The following KIZ variants were observed in gnomAD, a reference collection of about 807,000 sequenced individuals.
KIZ encodes the protein centrosomal protein kizuna.
In KIZ, 68 loss-of-function variants were observed where a neutral mutation model predicts 79.6. The observed-to-expected ratio is 0.85, with a 90% CI of 0.70 to 1.05. The LOEUF is 1.05. Among genes scored for constraint, KIZ ranks in the 50% least tolerant of loss-of-function variants. KIZ has a pLI of 0.00. For missense variants in KIZ, 797 were observed against 800.4 expected (o/e 1.00, Z 0.05); for synonymous variants, 280 against 281.8 (o/e 0.99, Z 0.06).
intron 6 of KIZ, among the ~76,000 whole-genome samples, chr20:21,204,700 C>G (rs1355585347): frequency 6.6e-6 from 1 of 152,132 alleles, no homozygotes; most frequent in African/African-American, 2.4e-5. Context: ...TGCCCCAGAC[C>G]TGAATAGGGC....
chr20:21,202,010 C>T (rs555167224), intron 6 of KIZ, among the ~76,000 whole-genome samples: 9 of 152,282 alleles, frequency 5.9e-5, no homozygotes, highest in South Asian at 2.1e-4. Flanking sequence ...GCTCATTTTC[C>T]GTTTGACTTG....
In KIZ at chr20:21,223,958, G is replaced by A. The variant is rs550949751; in HGVS notation, c.1679-5053G>A. Among the ~76,000 whole-genome samples, 15 of 145,140 alleles carry A rather than the reference G, an allele frequency of 1.0e-4. No individual in the cohort carries two copies. In the South Asian group the frequency reaches 1.1e-3, roughly 11 times the overall value. Reference sequence around the variant, plus strand: ...CTCCCAGAGTGCTGGGATTACAGGCGTGAGCCACTGCACCCGGCCTTATTT... The same window carrying A: ...CTCCCAGAGTGCTGGGATTACAGGCATGAGCCACTGCACCCGGCCTTATTT... On this transcript the variant is annotated intron_variant, in intron 9 of 12. Transcript: ENST00000619189.
At chr20:21,171,170 C>A (rs909199900) in intron 6 of KIZ, among the ~76,000 whole-genome samples, 1 of 152,188 alleles carries the variant, frequency 6.6e-6, no homozygotes, top group African/African-American at 2.4e-5. Flanking sequence ...ATTTGCAGTT[C>A]TCTAATGACA....
chr20:21,184,325 A>G (rs1011934923), intron 6 of KIZ, among the ~76,000 whole-genome samples: 2 of 151,788 alleles, frequency 1.3e-5, no homozygotes, highest in African/African-American at 2.4e-5. Context: ...AATTTTTTGT[A>G]TTTTTAGTAG....
chr20:21,130,082 C>T (rs1268240937), intron 1 of KIZ, among the ~76,000 whole-genome samples: 1 of 152,208 alleles, frequency 6.6e-6, no homozygotes, highest in Non-Finnish European at 1.5e-5. Context: ...TCAGATTTCA[C>T]CAGCTATCTT....
intron 4 of KIZ, among the ~76,000 whole-genome samples, chr20:21,147,961 TTGTGTGTGTGTGTG>T (rs61333547): frequency 7.1e-6 from 1 of 141,036 alleles, no homozygotes; most frequent in Admixed American, 7.1e-5. Context: ...CTCCTGGAAT[TTGTGTGTGTGTGTG>T]TGTGTGTGTG....
At chr20:21,166,465 A>G in intron 6 of KIZ, 4 of 1,578,722 alleles carry the variant, frequency 2.5e-6, no homozygotes, top group Non-Finnish European at 3.5e-6. Context: ...CAGTGTAACC[A>G]TGCTTCATCA....
intron 10 of KIZ, 105 bp downstream of exon 10, chr20:21,229,220 T>TAA: frequency 1.5e-6 from 1 of 665,294 alleles, no homozygotes; most frequent in Non-Finnish European, 2.7e-6. Context: ...GTTTGCTCTG[T>TAA]AACGAGCTGT....
At chr20:21,175,647 A>G (rs569954147) in intron 6 of KIZ, among the ~76,000 whole-genome samples, 1 of 152,294 alleles carries the variant, frequency 6.6e-6, no homozygotes, top group African/African-American at 2.4e-5. Context: ...CACCACATCA[A>G]TAGGGATCCT....
intron 6 of KIZ, among the ~76,000 whole-genome samples, chr20:21,179,899 T>A (rs1031703924): frequency 2.0e-5 from 3 of 152,228 alleles, no homozygotes; most frequent in East Asian, 3.8e-4. Flanking sequence ...GATTTCTGAT[T>A]TCATTCCATT....
At chr20:21,148,406 T>C (rs763739786) in intron 4 of KIZ, among the ~76,000 whole-genome samples, 5 of 152,200 alleles carry the variant, frequency 3.3e-5, no homozygotes, top group Non-Finnish European at 5.9e-5. Flanking sequence ...AGTTGCTCTT[T>C]AGAATCATAC....
chr20:21,180,480 A>G (rs1213279943), intron 6 of KIZ, among the ~76,000 whole-genome samples: 2 of 152,152 alleles, frequency 1.3e-5, no homozygotes, highest in Non-Finnish European at 2.9e-5. Context: ...TACTGAGAGC[A>G]TAGAGCCGAC....
intron 9 of KIZ, among the ~76,000 whole-genome samples, chr20:21,228,729 G>A (rs2036734250): frequency 6.6e-6 from 1 of 152,146 alleles, no homozygotes; most frequent in Admixed American, 6.5e-5. Context: ...CGAGGGAAGT[G>A]AAACTGTTTT....
At chr20:21,164,219 A>G (rs1052019903) in intron 6 of KIZ, among the ~76,000 whole-genome samples, 19 of 152,196 alleles carry the variant, frequency 1.2e-4, no homozygotes, top group Non-Finnish European at 1.9e-4. Flanking sequence ...ACCTTTTAAT[A>G]TATTGCCTCT....
intron 6 of KIZ, among the ~76,000 whole-genome samples, chr20:21,176,946 T>G (rs2034462619): frequency 6.6e-6 from 1 of 152,238 alleles, no homozygotes; most frequent in African/African-American, 2.4e-5. Context: ...ATTTCCTTCC[T>G]TTTTAAGGCA....
chr20:21,188,272 AC>A (rs1306979173), intron 6 of KIZ, among the ~76,000 whole-genome samples: 1 of 152,206 alleles, frequency 6.6e-6, no homozygotes, highest in African/African-American at 2.4e-5. Flanking sequence ...GGAACACTGC[AC>A]AGAGACGCCA....
chr20:21,233,254 T>C (rs1460311089), intron 11 of KIZ, among the ~76,000 whole-genome samples: 2 of 152,236 alleles, frequency 1.3e-5, no homozygotes, highest in Non-Finnish European at 2.9e-5. Context: ...TTTATTTTCC[T>C]CTTTTTTTTT....
intron 3 of KIZ, among the ~76,000 whole-genome samples, chr20:21,141,269 TAAGG>T (rs972568915): frequency 6.6e-6 from 1 of 151,860 alleles, no homozygotes; most frequent in African/African-American, 2.4e-5. Flanking sequence ...ATTTGGGAAA[TAAGG>T]AATATCAGTA....
chr20:21,174,464 T>A (rs190030729), intron 6 of KIZ, among the ~76,000 whole-genome samples: 2 of 152,254 alleles, frequency 1.3e-5, no homozygotes, highest in Admixed American at 1.3e-4. Context: ...AGATAATATT[T>A]TATAAGGTTA....
Sources: gnomAD v4.1 joint callset for allele counts (sites outside exome capture counted in the v4.1 genomes callset) on GRCh38, gnomAD v4.1.1 for gene constraint, MANE v1.5 for transcripts, NCBI Gene and HGNC (gene_info 2026-07-23, HGNC 2026-07-21) for gene names.